FGF12: variants seen among roughly 807,000 people sequenced by gnomAD.
FGF12 encodes fibroblast growth factor 12.
FGF12 carries 14 observed loss-of-function variants against 23.6 expected under a neutral mutation model. The observed-to-expected ratio is 0.59, with a 90% CI of 0.39 to 0.93. The LOEUF is 0.93. Ranked by LOEUF, FGF12 falls within the 40% of genes least tolerant of loss-of-function variation. The pLI, the probability that FGF12 is intolerant of heterozygous loss-of-function variation, is 0.00. For synonymous variants in FGF12, 62 were observed against 77.3 expected (o/e 0.80, Z 1.04); for missense variants, 175 against 217.8 (o/e 0.80, Z 1.24).
intron 4 of FGF12, among the ~76,000 whole-genome samples, chr3:192,190,602 A>T (rs1489999598): frequency 6.7e-6 from 1 of 149,470 alleles, no homozygotes; most frequent in African/African-American, 2.5e-5. Flanking sequence ...CAGCCTCCCG[A>T]GTAGCTGGGA....
chr3:192,487,743 G>A (rs1723677809), intron 2 of FGF12, among the ~76,000 whole-genome samples: 1 of 152,084 alleles, frequency 6.6e-6, no homozygotes, highest in African/African-American at 2.4e-5. Flanking sequence ...GAGATTAACT[G>A]AAGCCTGTTT....
intron 2 of FGF12, among the ~76,000 whole-genome samples, chr3:192,596,561 C>T (rs2366843): frequency 0.21 from 31,430 of 147,804 alleles, 3,811 homozygotes; most frequent in East Asian, 0.34. Flanking sequence ...ACATGTCTTT[C>T]CCTAGGATAC....
At chr3:192,412,327 G>A (rs1374531798) in intron 2 of FGF12, among the ~76,000 whole-genome samples, 3 of 152,166 alleles carry the variant, frequency 2.0e-5, no homozygotes, top group African/African-American at 4.8e-5. Flanking sequence ...CGAATACAGA[G>A]GCACAGGAGA....
chr3:192,292,571 T>C (rs1392485187), intron 4 of FGF12, among the ~76,000 whole-genome samples: 1 of 152,174 alleles, frequency 6.6e-6, no homozygotes, highest in Non-Finnish European at 1.5e-5. Flanking sequence ...CATTCATTTA[T>C]TCAAATATGC....
chr3:192,356,011 C>T lies in FGF12; in HGVS notation c.124+4417G>A, dbSNP rs184594131. On this transcript the variant is annotated intron_variant, in intron 3 of 5. Coordinates refer to ENST00000445105, the MANE Select transcript of FGF12 (RefSeq NM_004113.6). ...TTGGGAGTGTCAAGCCACCTGCTGGCTGTCAGGGACTGTTTTGCTATTTCT... is the reference window on the plus strand; with the variant it reads ...TTGGGAGTGTCAAGCCACCTGCTGGTTGTCAGGGACTGTTTTGCTATTTCT... 1.8e-4 allele frequency among the ~76,000 whole-genome samples: 28 copies of T among 152,342 alleles called. No homozygotes were observed. In the East Asian group the frequency reaches 5.2e-3, roughly 28 times the overall value.
chr3:192,240,069 T>C (rs1432317833), intron 4 of FGF12, among the ~76,000 whole-genome samples: 1 of 152,220 alleles, frequency 6.6e-6, no homozygotes, highest in Non-Finnish European at 1.5e-5. Flanking sequence ...AAAGTTGTCT[T>C]ATACATTTTT....
At chr3:192,440,357 G>A (rs910899862) in intron 2 of FGF12, among the ~76,000 whole-genome samples, 6 of 152,134 alleles carry the variant, frequency 3.9e-5, no homozygotes, top group Non-Finnish European at 7.3e-5. Context: ...CAGAAGGGTG[G>A]ACGGGAGTAT....
intron 2 of FGF12, among the ~76,000 whole-genome samples, chr3:192,624,942 T>C (rs1301914513): frequency 1.3e-5 from 2 of 152,096 alleles, no homozygotes; most frequent in Non-Finnish European, 2.9e-5. Context: ...AAGAAGCAAA[T>C]AGGGTACAGA....
At chr3:192,237,221 C>T (rs1719349319) in intron 4 of FGF12, among the ~76,000 whole-genome samples, 1 of 152,124 alleles carries the variant, frequency 6.6e-6, no homozygotes, top group African/African-American at 2.4e-5. Flanking sequence ...TGGCGGAGTT[C>T]CCTTTGTACA....
rs1486731380 is a variant in FGF12 at position 192,514,124 on chromosome 3, TG to T, written c.14-153587del. ...CACCCGGTTGAAGCCCAAGGCTAAC[TG>T]GGACCCTCCTACTTCAGCACCAAGG... is the stretch of plus-strand genomic sequence containing the variant. On this transcript the variant is annotated intron_variant, in intron 2 of 5. Transcript: ENST00000445105. This position sits in a 1 kb window ranked among gnomAD's most constrained non-coding sequence, Gnocchi z 4.9. 6.6e-6 allele frequency among the ~76,000 whole-genome samples: 1 copy of T among 152,186 alleles called. No individual in the cohort carries two copies. The highest frequency in any genetic ancestry group is 1.5e-5 in the Non-Finnish European group (1 of 68,028).
intron 2 of FGF12, among the ~76,000 whole-genome samples, chr3:192,491,738 C>G (rs1036046150): frequency 6.6e-6 from 1 of 152,104 alleles, no homozygotes; most frequent in African/African-American, 2.4e-5. Flanking sequence ...TATTTCCTAG[C>G]CTTTTTCATG....
intron 2 of FGF12, among the ~76,000 whole-genome samples, chr3:192,538,574 T>C (rs2108574809): frequency 6.6e-6 from 1 of 152,332 alleles, no homozygotes. Context: ...TTTTGTTCTT[T>C]TTGCACATGA....
At chr3:192,551,121 C>T (rs1038279709) in intron 2 of FGF12, among the ~76,000 whole-genome samples, 3 of 152,160 alleles carry the variant, frequency 2.0e-5, no homozygotes, top group Non-Finnish European at 2.9e-5. Context: ...TATTTTCAAG[C>T]ACTTGATAAC....
chr3:192,308,240 C>A (rs1421130330), intron 4 of FGF12, among the ~76,000 whole-genome samples: 1 of 152,120 alleles, frequency 6.6e-6, no homozygotes, highest in Admixed American at 6.6e-5. Flanking sequence ...AACCAGAACC[C>A]AATATGCAAC....
intron 2 of FGF12, among the ~76,000 whole-genome samples, chr3:192,641,832 T>C (rs1166879070): frequency 6.6e-6 from 1 of 152,246 alleles, no homozygotes; most frequent in Non-Finnish European, 1.5e-5. Flanking sequence ...ATTTGTTTGC[T>C]GACTGTCTAC....
At chr3:192,442,001 CATTTTAGAAGCCTA>C (rs553264533) in intron 2 of FGF12, among the ~76,000 whole-genome samples, 42 of 152,294 alleles carry the variant, frequency 2.8e-4, no homozygotes, top group African/African-American at 9.4e-4. Flanking sequence ...ATTGTACATA[CATTTTAGAAGCCTA>C]ATTTTGATTT....
At chr3:192,434,401 G>T (rs903655860) in intron 2 of FGF12, among the ~76,000 whole-genome samples, 2 of 152,214 alleles carry the variant, frequency 1.3e-5, no homozygotes, top group African/African-American at 4.8e-5. Context: ...AGCCAGTAAA[G>T]TGTACAGGTA....
chr3:192,218,310 A>G (rs1200199341), intron 4 of FGF12, among the ~76,000 whole-genome samples: 1 of 152,194 alleles, frequency 6.6e-6, no homozygotes, highest in Non-Finnish European at 1.5e-5. Context: ...GATCTGGATT[A>G]TATGTGATAT....
intron 2 of FGF12, among the ~76,000 whole-genome samples, chr3:192,701,409 C>T (rs1718293852): frequency 6.6e-6 from 1 of 152,172 alleles, no homozygotes; most frequent in African/African-American, 2.4e-5. Flanking sequence ...TTATGGTCCT[C>T]ATATTTGGCT....
Sources: gnomAD v4.1 joint callset for allele counts (sites outside exome capture counted in the v4.1 genomes callset) on GRCh38, gnomAD v4.1.1 for gene constraint, Gnocchi (gnomAD v3.1) non-coding constraint, MANE v1.5 for transcripts, NCBI Gene and HGNC (gene_info 2026-07-23, HGNC 2026-07-21) for gene names.